The following TCF12 variants were observed in gnomAD, a reference collection of about 807,000 sequenced individuals.
TCF12 encodes the protein DNA-binding protein HTF4.
TCF12 carries 45 observed loss-of-function variants against 86.0 expected under a neutral mutation model. That is an observed-to-expected ratio of 0.52 (90% CI 0.41 to 0.67). The LOEUF (loss-of-function observed/expected upper bound fraction) is 0.67. Ranked by LOEUF, TCF12 falls within the 30% of genes least tolerant of loss-of-function variation. The pLI, the probability that TCF12 is intolerant of heterozygous loss-of-function variation, is 0.00. For missense variants in TCF12, 881 were observed against 859.9 expected (o/e 1.02, Z -0.31); for synonymous variants, 330 against 299.6 (o/e 1.10, Z -1.05).
chr15:57,113,526 TC>T (rs1446488730), intron 5 of TCF12, among the ~76,000 whole-genome samples: 6 of 152,172 alleles, frequency 3.9e-5, no homozygotes, highest in Non-Finnish European at 8.8e-5. Context: ...CCCTTACCTT[TC>T]TTTTGCTTCT....
intron 5 of TCF12, among the ~76,000 whole-genome samples, chr15:57,120,643 TA>T (rs1340816987): frequency 6.6e-6 from 1 of 152,240 alleles, no homozygotes; most frequent in Non-Finnish European, 1.5e-5. Flanking sequence ...TATATTTCTA[TA>T]TTTTTTTGCT....
In TCF12 at chr15:57,170,664, T is replaced by TTATATATATTATATATA. The variant is rs1567557602; in HGVS notation, c.390+4198_390+4199insTATATATATTATATATA. Among the ~76,000 whole-genome samples, 32 of 25,116 alleles carry TTATATATATTATATATA rather than the reference T, an allele frequency of 1.3e-3. 4 individuals carry two copies. The East Asian group carries it at 0.027, about 21-fold the overall frequency. 16.5% of individuals were successfully genotyped at this position (25,116 alleles called of 152,430 possible). On this transcript the variant is annotated intron_variant, in intron 6 of 20. Transcript: ENST00000333725. Reference sequence around the variant, plus strand: ...TATAATATATATATTATATAAAATATATATATATATAATATATTATATATA... The same window carrying TTATATATATTATATATA: ...TATAATATATATATTATATAAAATATTATATATATTATATATAATATATATATAATATATTATATATA...
At chr15:57,160,483 G>A (rs12903578) in intron 5 of TCF12, among the ~76,000 whole-genome samples, 57,457 of 151,986 alleles carry the variant, frequency 0.38, 13,555 homozygotes, top group Non-Finnish European at 0.52. Flanking sequence ...AGATTTGGGT[G>A]GGCACACAAA....
At chr15:57,215,076 A>T (rs183306747) in intron 8 of TCF12, among the ~76,000 whole-genome samples, 4 of 152,290 alleles carry the variant, frequency 2.6e-5, no homozygotes, top group African/African-American at 9.6e-5. Flanking sequence ...TGCAGAAGTA[A>T]ATTTTCTAAA....
chr15:56,968,057 A>G (rs570110301), intron 3 of TCF12, among the ~76,000 whole-genome samples: 1 of 152,060 alleles, frequency 6.6e-6, no homozygotes, highest in South Asian at 2.1e-4. Flanking sequence ...CCCAGGTTCA[A>G]ATGATTCTTG....
At chr15:57,114,314 A>G (rs574627421) in intron 5 of TCF12, among the ~76,000 whole-genome samples, 1 of 152,232 alleles carries the variant, frequency 6.6e-6, no homozygotes, top group South Asian at 2.1e-4. Flanking sequence ...TTGTTGAGAC[A>G]GGATCCTGTT....
chr15:57,180,552 C>CA (rs2056264169), intron 6 of TCF12, among the ~76,000 whole-genome samples: 3 of 152,046 alleles, frequency 2.0e-5, no homozygotes, highest in South Asian at 2.1e-4. Flanking sequence ...ACTCCCTCCC[C>CA]CAAAAAATAA....
At chr15:57,121,872 G>A (rs924220151) in intron 5 of TCF12, among the ~76,000 whole-genome samples, 1 of 152,036 alleles carries the variant, frequency 6.6e-6, no homozygotes, top group African/African-American at 2.4e-5. Flanking sequence ...GGAATTCTTG[G>A]GGAAGATTCT....
rs2059700871 is a variant in TCF12 at position 56,919,881 on chromosome 15, C to G, written c.-22-11C>G. ...GGTGGTCTCTCGCTGAGCCCGTTTC[C>G]TCTGCCCTAGGACCTGCTAGAAGTG... is the stretch of plus-strand genomic sequence containing the variant. On this transcript the variant is annotated splice_polypyrimidine_tract_variant and intron_variant, in intron 1 of 20. Coordinates refer to ENST00000333725, the MANE Select transcript of TCF12 (RefSeq NM_207037.2). 6.2e-7 allele frequency: 1 copy of G among 1,613,218 alleles called. No individual in the cohort carries two copies. The highest frequency in any genetic ancestry group is 1.7e-5 in the Admixed American group (1 of 59,960).
intron 4 of TCF12, among the ~76,000 whole-genome samples, chr15:57,064,795 CAAA>C (rs1177544594): frequency 7.0e-4 from 55 of 78,072 alleles, no homozygotes; most frequent in African/African-American, 3.4e-3. Context: ...GACTCCATCT[CAAA>C]AAAAAAAAAA....
chr15:56,960,052 A>G (rs536540986), intron 3 of TCF12, among the ~76,000 whole-genome samples: 3 of 152,304 alleles, frequency 2.0e-5, no homozygotes, highest in Admixed American at 2.0e-4. Context: ...ACCCAATACT[A>G]TGTTTTACAG....
intron 3 of TCF12, among the ~76,000 whole-genome samples, chr15:56,938,045 CTT>C (rs370916527): frequency 1.3e-4 from 4 of 30,696 alleles, no homozygotes; most frequent in African/African-American, 5.5e-4. Context: ...CGTTTCTTTT[CTT>C]TTTTTTTTTT....
chr15:57,153,171 T>C (rs1476944157), intron 5 of TCF12, among the ~76,000 whole-genome samples: 1 of 152,212 alleles, frequency 6.6e-6, no homozygotes, highest in African/African-American at 2.4e-5. Flanking sequence ...CAGACTACAA[T>C]AACTGCTGGA....
chr15:57,010,713 CT>C (rs1331401808), intron 3 of TCF12, among the ~76,000 whole-genome samples: 7 of 152,156 alleles, frequency 4.6e-5, no homozygotes, highest in African/African-American at 1.7e-4. Flanking sequence ...AACGTGTTTA[CT>C]GAAGTTCATG....
At chr15:56,988,724 G>A (rs1454272566) in intron 3 of TCF12, among the ~76,000 whole-genome samples, 1 of 152,188 alleles carries the variant, frequency 6.6e-6, no homozygotes, top group Non-Finnish European at 1.5e-5. Context: ...TTATGTGTCT[G>A]AAATTAATTC....
intron 3 of TCF12, among the ~76,000 whole-genome samples, chr15:57,010,791 G>T (rs190459713): frequency 1.3e-5 from 2 of 152,276 alleles, no homozygotes; most frequent in East Asian, 1.9e-4. Flanking sequence ...TCTTGATTTA[G>T]GAGGATGATT....
intron 8 of TCF12, among the ~76,000 whole-genome samples, chr15:57,204,194 G>T (rs1184989380): frequency 1.3e-5 from 2 of 152,090 alleles, no homozygotes; most frequent in Non-Finnish European, 2.9e-5. Context: ...CCAGCACTTT[G>T]GGAGGCCAAG....
intron 5 of TCF12, among the ~76,000 whole-genome samples, chr15:57,159,914 T>C (rs2054377579): frequency 6.6e-6 from 1 of 152,350 alleles, no homozygotes; most frequent in African/African-American, 2.4e-5. Flanking sequence ...ACTAATAAAC[T>C]TGTCTGGAAA....
intron 5 of TCF12, among the ~76,000 whole-genome samples, chr15:57,121,413 T>A (rs1261408500): frequency 6.6e-6 from 1 of 152,228 alleles, no homozygotes; most frequent in Non-Finnish European, 1.5e-5. Context: ...CATGTTGAAA[T>A]TTAACCCTCA....
Sources: allele counts gnomAD v4.1 joint callset (sites outside exome capture counted in the v4.1 genomes callset), GRCh38; gene constraint gnomAD v4.1.1; transcripts MANE v1.5; gene names NCBI Gene and HGNC (gene_info 2026-07-23, HGNC 2026-07-21).